The following CSMD3 variants were observed in gnomAD, a reference collection of about 807,000 sequenced individuals.
The protein encoded by CSMD3 is CUB and Sushi multiple domains 3, also known as CUB and sushi domain-containing protein 3.
A neutral mutation model predicts 435.2 loss-of-function variants in CSMD3; 177 were observed. That is an observed-to-expected ratio of 0.41 (90% confidence interval 0.36 to 0.46). The LOEUF (loss-of-function observed/expected upper bound fraction) is 0.46. Among genes scored for constraint, CSMD3 ranks in the 20% least tolerant of loss-of-function variants. The pLI is 0.34. For synonymous variants in CSMD3, 1,656 were observed against 1,520.5 expected (o/e 1.09, Z -2.07); for missense variants, 4,265 against 4,504.6 (o/e 0.95, Z 1.52).
intron 11 of CSMD3, among the ~76,000 whole-genome samples, chr8:112,830,528 A>G (rs570757688): frequency 1.2e-4 from 18 of 152,254 alleles, no homozygotes; most frequent in Middle Eastern, 3.4e-3. Flanking sequence ...AAAAAATGTA[A>G]TTAAGAATCA....
intron 13 of CSMD3, among the ~76,000 whole-genome samples, chr8:112,794,357 G>A (rs996080236): frequency 1.1e-4 from 16 of 145,948 alleles, no homozygotes; most frequent in South Asian, 2.2e-4. Context: ...GCAGCGGCGC[G>A]GTCTCGTCTC....
intron 27 of CSMD3, among the ~76,000 whole-genome samples, chr8:112,540,060 AC>A (rs1826513489): frequency 6.6e-6 from 1 of 152,022 alleles, no homozygotes; most frequent in Non-Finnish European, 1.5e-5. Flanking sequence ...TAGCAAAAAA[AC>A]ACAACAAAAC....
At chr8:112,777,310 T>C (rs1177158417) in intron 13 of CSMD3, among the ~76,000 whole-genome samples, 2 of 151,888 alleles carry the variant, frequency 1.3e-5, no homozygotes, top group East Asian at 1.9e-4. Flanking sequence ...TAAATATTGG[T>C]TGTATTTTAT....
At chr8:112,585,754 T>A (rs12550418) in intron 23 of CSMD3, among the ~76,000 whole-genome samples, 87,452 of 151,366 alleles carry the variant, frequency 0.58, 25,850 homozygotes, top group African/African-American at 0.69. Flanking sequence ...TGCTTCTGCA[T>A]TACAGAGTAG....
chr8:112,885,668 G>T (rs2081569565), intron 10 of CSMD3, among the ~76,000 whole-genome samples: 1 of 151,604 alleles, frequency 6.6e-6, no homozygotes, highest in African/African-American at 2.4e-5. Flanking sequence ...ATGATGCTGG[G>T]TTTTTGCTTG....
At position 112,966,490 on chromosome 8, in the gene CSMD3, A is replaced by AT. The variant is rs527406041; in HGVS notation, c.1342+9346dup. On this transcript the variant is annotated intron_variant, in intron 7 of 70. Coordinates refer to ENST00000297405, the MANE Select transcript of CSMD3 (RefSeq NM_198123.2). ...CTTCTTCTTTTTTTCATTTTTAAAA[A>AT]TTTTTTTTTTTACTGTTTTACCTCC... 7.5e-5 allele frequency among the ~76,000 whole-genome samples: 11 copies of AT among 146,288 alleles called. 1 individual carries two copies. Among genetic ancestry groups the AT allele is most frequent in the Admixed American group, 2.8e-4 (4 of 14,542 alleles).
At chr8:113,432,624 C>T (rs552659852) in intron 1 of CSMD3, among the ~76,000 whole-genome samples, 1 of 152,280 alleles carries the variant, frequency 6.6e-6, no homozygotes, top group Admixed American at 6.5e-5. Context: ...ATCTGGGGGA[C>T]GGGGACGTTG....
At chr8:113,189,746 C>G (rs558472383) in intron 3 of CSMD3, among the ~76,000 whole-genome samples, 41 of 151,840 alleles carry the variant, frequency 2.7e-4, no homozygotes, top group Non-Finnish European at 5.0e-4. Context: ...GGAAAAATAG[C>G]TCATACTTCA....
intron 61 of CSMD3, among the ~76,000 whole-genome samples, chr8:112,262,416 C>CA (rs987901014): frequency 5.7e-5 from 8 of 141,526 alleles, no homozygotes; most frequent in Non-Finnish European, 8.9e-5. Flanking sequence ...GTGAATAAAA[C>CA]AAAAAAAATT....
At chr8:112,299,025 A>C (rs979805834) in intron 53 of CSMD3, among the ~76,000 whole-genome samples, 1 of 152,176 alleles carries the variant, frequency 6.6e-6, no homozygotes, top group Non-Finnish European at 1.5e-5. Context: ...AATCCTATTG[A>C]GCAATAAAAG....
chr8:113,190,424 T>C (rs970021550), intron 3 of CSMD3, among the ~76,000 whole-genome samples: 3 of 151,692 alleles, frequency 2.0e-5, no homozygotes, highest in Non-Finnish European at 4.4e-5. Context: ...GCAAATGCAA[T>C]GACCTTGAAG....
chr8:113,108,813 C>T (rs929726467), intron 4 of CSMD3, among the ~76,000 whole-genome samples: 3 of 152,132 alleles, frequency 2.0e-5, no homozygotes, highest in African/African-American at 7.2e-5. Flanking sequence ...TTAAAGCATT[C>T]TTGAGAGAAA....
At chr8:113,422,201 A>T (rs555929160) in intron 1 of CSMD3, among the ~76,000 whole-genome samples, 1 of 152,214 alleles carries the variant, frequency 6.6e-6, no homozygotes, top group East Asian at 1.9e-4. Flanking sequence ...CTTCATGTCC[A>T]TATGCACAGT....
chr8:112,578,336 G>C (rs532158254), intron 23 of CSMD3, among the ~76,000 whole-genome samples: 160 of 151,988 alleles, frequency 1.1e-3, no homozygotes, highest in Non-Finnish European at 1.6e-3. Flanking sequence ...TCGGTTTTTT[G>C]TTATATAATA....
chr8:112,830,540 T>G (rs985983680), intron 11 of CSMD3, among the ~76,000 whole-genome samples: 1 of 152,078 alleles, frequency 6.6e-6, no homozygotes, highest in African/African-American at 2.4e-5. Flanking sequence ...TAAGAATCAG[T>G]ACAGAAAGAA....
In CSMD3 at chr8:112,778,960, T is replaced by C. The variant is rs1369855863; in HGVS notation, c.1972+21202A>G. ...GTTGAACATATTTTCATATGTTTAA[T>C]TGCCATCTGTGTATCTTTTTCCAGT... On this transcript the variant is annotated intron_variant, in intron 13 of 70. Transcript: ENST00000297405. Among the ~76,000 whole-genome samples the C allele has an allele frequency of 2.0e-5, 3 of 152,154 alleles. No individual in the cohort carries two copies. The East Asian group carries it at 5.8e-4, about 29-fold the overall frequency.
chr8:112,743,783 T>C (rs2077368086), intron 13 of CSMD3, among the ~76,000 whole-genome samples: 1 of 152,038 alleles, frequency 6.6e-6, no homozygotes, highest in South Asian at 2.1e-4. Context: ...AATACTTGCA[T>C]CATATAAATA....
At chr8:112,365,964 C>T (rs35255772) in intron 38 of CSMD3, among the ~76,000 whole-genome samples, 4,407 of 152,204 alleles carry the variant, frequency 0.029, 81 homozygotes, top group Non-Finnish European at 0.043. Context: ...CAGCTGCAGA[C>T]GAGAACAAAG....
chr8:112,626,546 T>TAA (rs140945707), intron 22 of CSMD3, among the ~76,000 whole-genome samples: 3 of 151,994 alleles, frequency 2.0e-5, no homozygotes, highest in East Asian at 1.9e-4. Flanking sequence ...GATTTTATTT[T>TAA]TAAAAAATGG....
Sources: gnomAD v4.1 joint callset for allele counts (sites outside exome capture counted in the v4.1 genomes callset) on GRCh38, gnomAD v4.1.1 for gene constraint, MANE v1.5 for transcripts, NCBI Gene and HGNC (gene_info 2026-07-23, HGNC 2026-07-21) for gene names.